The following LINGO1 variants were observed in gnomAD, a reference collection of about 807,000 sequenced individuals.
LINGO1 encodes leucine-rich repeat and immunoglobulin-like domain-containing nogo receptor-interacting protein 1.
In LINGO1, 11 loss-of-function variants were observed where a neutral mutation model predicts 37.3. The ratio of observed to expected loss-of-function variants is 0.29; its 90% CI spans 0.19 to 0.49. The LOEUF (loss-of-function observed/expected upper bound fraction) is 0.49. Ranked by LOEUF, LINGO1 falls within the 20% of genes least tolerant of loss-of-function variation. The pLI is 0.99. For missense variants in LINGO1, 585 were observed against 878.2 expected, an observed-to-expected ratio of 0.67 and a Z score of 4.22; for synonymous variants, 387 against 403.0, an observed-to-expected ratio of 0.96 and a Z score of 0.48.
At position 77,715,181 on chromosome 15, in the gene LINGO1, C is replaced by T. The variant is rs1398730574; in HGVS notation, c.-195+19811G>A. The stretch of plus-strand genomic sequence containing the variant: ...CATGGCTGGCATGCTGCACGTACCC[C>T]ATATGGGGTACTCTCCACCCCTTTC... On this transcript the variant is annotated intron_variant, in intron 2 of 3. Transcript: ENST00000561686. Among the ~76,000 whole-genome samples, 3 of 152,142 alleles carry T rather than the reference C, an allele frequency of 2.0e-5. No homozygotes were observed. The East Asian group carries it at 5.8e-4, about 29-fold the overall frequency.
upstream of LINGO1, among the ~76,000 whole-genome samples, chr15:77,637,283 G>A (rs964302853): frequency 1.3e-5 from 2 of 152,236 alleles, no homozygotes; most frequent in African/African-American, 4.8e-5. This position sits in a 1 kb window ranked among gnomAD's most constrained non-coding sequence, Gnocchi z 4.6. Flanking sequence ...TGCAGGCTGA[G>A]GCCAAGACTC....
At chr15:77,707,408 C>G (rs1319347831) in intron 2 of LINGO1, 3 of 152,244 alleles carry the variant, frequency 2.0e-5, no homozygotes, top group African/African-American at 7.2e-5. Context: ...ACTCTTGAAG[C>G]ACAAATGATC....
At chr15:77,620,032 C>T (rs2073870213) in intron 1 of LINGO1, among the ~76,000 whole-genome samples, 1 of 152,228 alleles carries the variant, frequency 6.6e-6, no homozygotes, top group Non-Finnish European at 1.5e-5. Flanking sequence ...CATGGGGTCC[C>T]TGTCATCTAG....
At chr15:77,777,947 GGAAT>G (rs1374913843) in intron 1 of LINGO1, among the ~76,000 whole-genome samples, 1 of 147,160 alleles carries the variant, frequency 6.8e-6, no homozygotes, top group Non-Finnish European at 1.5e-5. Context: ...AAGGAAGGAA[GGAAT>G]GAAGGAAGGG....
intron 1 of LINGO1, among the ~76,000 whole-genome samples, chr15:77,752,289 G>A (rs12442435): frequency 1.3e-5 from 2 of 152,132 alleles, no homozygotes; most frequent in Admixed American, 1.3e-4. Context: ...CCAGCGACAG[G>A]AGCCTAACAG....
At chr15:77,777,967 G>A (rs1285127217) in intron 1 of LINGO1, among the ~76,000 whole-genome samples, 1 of 151,820 alleles carries the variant, frequency 6.6e-6, no homozygotes, top group Non-Finnish European at 1.5e-5. Flanking sequence ...AAGGGAGGGA[G>A]GGAGGGAGTA....
chr15:77,617,125 C>T (rs1424258601), intron 1 of LINGO1, among the ~76,000 whole-genome samples: 4 of 152,138 alleles, frequency 2.6e-5, no homozygotes, highest in Non-Finnish European at 5.9e-5. Context: ...CATGAGAAAC[C>T]GTGCCAGGAG....
chr15:77,818,154 C>G (rs1395255764), intron 1 of LINGO1, among the ~76,000 whole-genome samples: 2 of 152,180 alleles, frequency 1.3e-5, no homozygotes, highest in African/African-American at 2.4e-5. Flanking sequence ...TCAGGAGCAA[C>G]CAGAGAAGGC....
chr15:77,689,774 T>C (rs1386101997), intron 2 of LINGO1, among the ~76,000 whole-genome samples: 1 of 152,164 alleles, frequency 6.6e-6, no homozygotes, highest in African/African-American at 2.4e-5. Context: ...TCTCAGGCTC[T>C]GCCTCTAAGG....
At chr15:77,709,210 T>C (rs2075889192) in intron 2 of LINGO1, among the ~76,000 whole-genome samples, 1 of 152,238 alleles carries the variant, frequency 6.6e-6, no homozygotes, top group African/African-American at 2.4e-5. Context: ...ATAATTGTTC[T>C]AACAACTGCA....
chr15:77,676,485 GCAC>G (rs1317095448), intron 3 of LINGO1, among the ~76,000 whole-genome samples: 4 of 152,208 alleles, frequency 2.6e-5, no homozygotes, highest in Non-Finnish European at 5.9e-5. Context: ...GGGGGATTTG[GCAC>G]CAGGCCGAAA....
At chr15:77,686,060 T>A (rs573832465) in intron 2 of LINGO1, among the ~76,000 whole-genome samples, 1 of 151,910 alleles carries the variant, frequency 6.6e-6, no homozygotes, top group Non-Finnish European at 1.5e-5. Context: ...AGGAGGGCAA[T>A]GGGTGTGAGT....
intron 2 of LINGO1, among the ~76,000 whole-genome samples, chr15:77,689,449 G>T (rs559679790): frequency 6.6e-6 from 1 of 152,198 alleles, no homozygotes; most frequent in South Asian, 2.1e-4. Flanking sequence ...GCTGCCCAGA[G>T]GGTGGGCTGC....
chr15:77,688,344 C>T (rs944554815), intron 2 of LINGO1, among the ~76,000 whole-genome samples: 6 of 152,240 alleles, frequency 3.9e-5, no homozygotes, highest in Non-Finnish European at 8.8e-5. Flanking sequence ...AAAATCTAAT[C>T]ACTGCATTAA....
upstream of LINGO1, among the ~76,000 whole-genome samples, chr15:77,699,683 C>T: frequency 1.3e-5 from 2 of 152,276 alleles, no homozygotes; most frequent in African/African-American, 2.4e-5. Context: ...CCATCATCTG[C>T]ACACAGTAAG....
chr15:77,676,034 C>T, intron 3 of LINGO1, among the ~76,000 whole-genome samples: 1 of 152,254 alleles, frequency 6.6e-6, no homozygotes, highest in Non-Finnish European at 1.5e-5. Context: ...CCTCCTCAGC[C>T]TGGGCTCCGC....
intron 2 of LINGO1, among the ~76,000 whole-genome samples, chr15:77,705,764 G>C (rs139878934): frequency 0.01 from 1,579 of 152,368 alleles, 33 homozygotes; most frequent in African/African-American, 0.036. Context: ...TCCCAGGCTT[G>C]CAGGGTGGCT....
intron 2 of LINGO1, among the ~76,000 whole-genome samples, chr15:77,685,004 T>C (rs1457347328): frequency 7.1e-6 from 1 of 140,220 alleles, no homozygotes; most frequent in African/African-American, 2.7e-5. Flanking sequence ...GGGCCCAGCC[T>C]AGAAGGATGG....
At chr15:77,702,623 C>T (rs996299555) in intron 2 of LINGO1, among the ~76,000 whole-genome samples, 2 of 152,168 alleles carry the variant, frequency 1.3e-5, no homozygotes, top group African/African-American at 4.8e-5. Flanking sequence ...GAGGCTCAGA[C>T]CAAAGTGGCC....
Sources: gnomAD v4.1 joint callset for allele counts (sites outside exome capture counted in the v4.1 genomes callset) on GRCh38, gnomAD v4.1.1 for gene constraint, Gnocchi (gnomAD v3.1) non-coding constraint, MANE v1.5 for transcripts, NCBI Gene and HGNC (gene_info 2026-07-23, HGNC 2026-07-21) for gene names.